CREBBP: variants seen among roughly 807,000 people sequenced by gnomAD.
The protein encoded by CREBBP is CREB-binding protein.
Under a neutral mutation model 265.0 loss-of-function variants are expected in CREBBP, and 19 were observed. The ratio of observed to expected loss-of-function variants is 0.07; its 90% CI spans 0.05 to 0.11. The LOEUF (loss-of-function observed/expected upper bound fraction) is 0.11. CREBBP is among the 10% of genes least tolerant of loss of function. The probability of loss-of-function intolerance (pLI) is 1.00; values close to 1 mark genes in which losing one functional copy is unlikely to be tolerated. For missense variants in CREBBP, 2,525 were observed against 3,219.0 expected, an observed-to-expected ratio of 0.78 and a Z score of 5.22; for synonymous variants, 1,457 against 1,223.7, an observed-to-expected ratio of 1.19 and a Z score of -3.98.
intron 1 of CREBBP, among the ~76,000 whole-genome samples, chr16:3,857,146 T>C (rs899457696): frequency 1.3e-5 from 2 of 152,216 alleles, no homozygotes; most frequent in African/African-American, 4.8e-5. Flanking sequence ...TGGTTTATTC[T>C]AGTTCTTATC....
intron 5 of CREBBP, among the ~76,000 whole-genome samples, chr16:3,788,851 C>G (rs1256321278): frequency 6.6e-6 from 1 of 152,136 alleles, no homozygotes; most frequent in Non-Finnish European, 1.5e-5. Context: ...ACTCAGGAGG[C>G]TGAAGTGGAA....
At chr16:3,810,841 G>T in intron 2 of CREBBP, 62 bp from the exon 3 acceptor site, 1 of 1,540,096 alleles carries the variant, frequency 6.5e-7, no homozygotes, top group Non-Finnish European at 9.0e-7. Flanking sequence ...GGAAGGGCCT[G>T]GGAAATGCTC....
intron 3 of CREBBP, among the ~76,000 whole-genome samples, chr16:3,794,894 C>T (rs1020025018): frequency 1.3e-5 from 2 of 152,188 alleles, no homozygotes; most frequent in African/African-American, 2.4e-5. Context: ...CTTGCTTCCA[C>T]GACCCTCATT....
intron 2 of CREBBP, among the ~76,000 whole-genome samples, chr16:3,837,764 TA>T (rs2054485142): frequency 1.3e-5 from 2 of 152,102 alleles, no homozygotes; most frequent in South Asian, 4.1e-4. Flanking sequence ...AAAAAGTTTT[TA>T]AAAAACTGAA....
rs533822592 is a variant in CREBBP, at chr16:3,786,092, G to A, written c.1331-3166C>T. On this transcript the variant is annotated intron_variant, in intron 5 of 30. Coordinates refer to ENST00000262367, the MANE Select transcript of CREBBP (RefSeq NM_004380.3). ...GTACGGCCAAGTGTAACTGGGTGCA[G>A]TGGCTCATGCCTGTAATCCCAGCAC... 7.9e-5 allele frequency among the ~76,000 whole-genome samples: 12 copies of A among 152,358 alleles called. No individual in the cohort carries two copies. In the East Asian group the frequency reaches 1.9e-3, roughly 25 times the overall value.
In CREBBP at chr16:3,757,791, A is replaced by G; in HGVS notation, c.3609+18T>C. ...TTAACCAGGAAAATTCACTTTCCGG[A>G]AAAACTTAAAACTGTACCTTGCGTC... On this transcript the variant is annotated intron_variant, in intron 18 of 30. Transcript: ENST00000262367. 1 of 1,613,724 alleles carries G rather than the reference A, an allele frequency of 6.2e-7. No homozygotes were observed. Among genetic ancestry groups the G allele is most frequent in the Non-Finnish European group, 8.5e-7 (1 of 1,180,038 alleles).
intron 20 of CREBBP, among the ~76,000 whole-genome samples, chr16:3,750,473 T>C (rs2052448409): frequency 6.6e-6 from 1 of 152,148 alleles, no homozygotes; most frequent in Admixed American, 6.5e-5. Flanking sequence ...GGGAACTCAG[T>C]CTGACGAAAA....
chr16:3,834,130 G>C (rs886066220), intron 2 of CREBBP, among the ~76,000 whole-genome samples: 1 of 152,204 alleles, frequency 6.6e-6, no homozygotes, highest in Non-Finnish European at 1.5e-5. Context: ...TGCTGGCGAG[G>C]ATGTAGTGCA....
At chr16:3,851,877 A>G (rs1184999396) in intron 1 of CREBBP, among the ~76,000 whole-genome samples, 1 of 142,036 alleles carries the variant, frequency 7.0e-6, no homozygotes, top group Non-Finnish European at 1.5e-5. Flanking sequence ...AAAAAAAAAA[A>G]AAGACAAAAC....
intron 13 of CREBBP, among the ~76,000 whole-genome samples, chr16:3,772,191 T>C (rs935930853): frequency 2.0e-5 from 3 of 151,906 alleles, no homozygotes; most frequent in African/African-American, 7.3e-5. Flanking sequence ...GGTATTTTTT[T>C]TTTAAGTTGC....
chr16:3,839,352 C>G (rs186247667), intron 2 of CREBBP, among the ~76,000 whole-genome samples: 2 of 152,266 alleles, frequency 1.3e-5, no homozygotes, highest in Admixed American at 1.3e-4. Flanking sequence ...ATTTAATATA[C>G]ATATGCAATC....
intron 3 of CREBBP, among the ~76,000 whole-genome samples, chr16:3,795,834 T>C (rs1471475403): frequency 6.6e-6 from 1 of 151,944 alleles, no homozygotes; most frequent in Non-Finnish European, 1.5e-5. Flanking sequence ...TTTATGAAAA[T>C]TTCAAACATA....
At chr16:3,750,243 A>G (rs2052443301) in intron 20 of CREBBP, among the ~76,000 whole-genome samples, 1 of 152,230 alleles carries the variant, frequency 6.6e-6, no homozygotes, top group African/African-American at 2.4e-5. Flanking sequence ...TCACACAACT[A>G]GACTAAAGAG....
chr16:3,776,794 C>A (rs2053149270), intron 11 of CREBBP, among the ~76,000 whole-genome samples: 2 of 151,888 alleles, frequency 1.3e-5, no homozygotes, highest in Admixed American at 1.3e-4. Context: ...GGGCAGATCA[C>A]AAGTTCACGC....
chr16:3,850,221 G>T, intron 2 of CREBBP, 76 bp downstream of exon 2: 1 of 1,473,656 alleles, frequency 6.8e-7, no homozygotes, highest in Non-Finnish European at 9.5e-7. Context: ...GGGCCACGTG[G>T]TCCCATTTTA....
At chr16:3,849,264 T>C (rs1185128330) in intron 2 of CREBBP, among the ~76,000 whole-genome samples, 1 of 152,092 alleles carries the variant, frequency 6.6e-6, no homozygotes, top group African/African-American at 2.4e-5. Context: ...GTCTCACATC[T>C]ATCCAGGCAT....
chr16:3,767,615 G>A (rs188850591), intron 16 of CREBBP, 105 bp downstream of exon 16: 3 of 1,467,524 alleles, frequency 2.0e-6, no homozygotes, highest in Non-Finnish European at 2.8e-6. Context: ...AAGGTAAAAG[G>A]GCAGATAGAA....
intron 23 of CREBBP, among the ~76,000 whole-genome samples, chr16:3,744,347 T>C (rs911330031): frequency 6.6e-6 from 1 of 152,186 alleles, no homozygotes; most frequent in Non-Finnish European, 1.5e-5. Context: ...ACACCACACA[T>C]GCACGCACGA....
intron 2 of CREBBP, among the ~76,000 whole-genome samples, chr16:3,821,861 C>A (rs1480133322): frequency 6.6e-6 from 1 of 152,124 alleles, no homozygotes; most frequent in African/African-American, 2.4e-5. Flanking sequence ...GAAACCCTGT[C>A]TCTACTAAAA....
Sources: allele counts gnomAD v4.1 joint callset (sites outside exome capture counted in the v4.1 genomes callset), GRCh38; gene constraint gnomAD v4.1.1; transcripts MANE v1.5; gene names NCBI Gene and HGNC (gene_info 2026-07-23, HGNC 2026-07-21).